The following ANO7 variants were observed in gnomAD, a reference collection of about 807,000 sequenced individuals.
The protein encoded by ANO7 is anoctamin-7.
A neutral mutation model predicts 115.8 loss-of-function variants in ANO7; 114 were observed. The ratio of observed to expected loss-of-function variants is 0.98; its 90% CI spans 0.85 to 1.15. The LOEUF (loss-of-function observed/expected upper bound fraction) is 1.15, where lower values mean the gene tolerates loss of function less well. Among genes scored for constraint, ANO7 ranks in the 50% most tolerant of loss-of-function variants. The pLI is 0.00. For synonymous variants in ANO7, 550 were observed against 498.2 expected (o/e 1.10, Z -1.38); for missense variants, 1,302 against 1,201.2 (o/e 1.08, Z -1.24).
chr2:241,212,230 C>T (rs749334124), intron 16 of ANO7, 25 bp downstream of exon 16: 2 of 1,573,304 alleles, frequency 1.3e-6, no homozygotes, highest in Non-Finnish European at 1.7e-6. Context: ...CTCCCTCTGG[C>T]CACAGCTTGT....
At chr2:241,189,287 G>A (rs1024830704) in intron 1 of ANO7, among the ~76,000 whole-genome samples, 7 of 152,296 alleles carry the variant, frequency 4.6e-5, no homozygotes, top group African/African-American at 7.2e-5. Flanking sequence ...CTGGGCCTCC[G>A]CTAATGTGAA....
At chr2:241,230,182 C>T (rs944103334), downstream of ANO7, 3 of 1,613,420 alleles carry the variant, frequency 1.9e-6, no homozygotes, top group Admixed American at 1.7e-5. This position sits in a 1 kb window ranked among gnomAD's most constrained non-coding sequence, Gnocchi z 5.0. Flanking sequence ...AGGATGTGGT[C>T]GATGGCTTCC....
rs1349310456 is a variant in ANO7 at position 241,203,327 on chromosome 2, C to G, written c.724-6C>G. 2.6e-6 allele frequency: 4 copies of G among 1,525,652 alleles called. No homozygotes were observed. In the African/African-American group the frequency reaches 5.6e-5, roughly 21 times the overall value. 94.5% of individuals were successfully genotyped at this position (1,525,652 alleles called of 1,614,324 possible). On this transcript the variant is annotated splice_region_variant and splice_polypyrimidine_tract_variant and intron_variant, in intron 8 of 24. Coordinates refer to ENST00000674324, the MANE Select transcript of ANO7 (RefSeq NM_001370694.2). The surrounding 1 kb of genome is among the most constrained non-coding windows in gnomAD (Gnocchi z 4.8). ...AGCCTCCCACCCACAGGCCGCTCGC[C>G]CCCAGGGCCCCTTCAAGACGCCCCC...
downstream of ANO7, chr2:241,230,139 C>T: frequency 1.2e-6 from 2 of 1,604,904 alleles, no homozygotes; most frequent in Non-Finnish European, 1.7e-6. The surrounding 1 kb of genome is among the most constrained non-coding windows in gnomAD (Gnocchi z 5.0). Context: ...GCTCCAAGGC[C>T]CACAGAGACT....
chr2:241,192,339 A>AAG (rs2068227128), intron 3 of ANO7, among the ~76,000 whole-genome samples: 1 of 152,042 alleles, frequency 6.6e-6, no homozygotes, highest in Non-Finnish European at 1.5e-5. Flanking sequence ...GAAAAAAAAA[A>AAG]GTACCACGGC....
intron 21 of ANO7, among the ~76,000 whole-genome samples, chr2:241,221,623 C>T (rs1412048607): frequency 6.6e-6 from 1 of 151,874 alleles, no homozygotes; most frequent in Non-Finnish European, 1.5e-5. Context: ...AGGTATCTGC[C>T]CACTTCAGCC....
At chr2:241,204,151 A>G (rs1411855946) in intron 9 of ANO7, among the ~76,000 whole-genome samples, 1 of 152,202 alleles carries the variant, frequency 6.6e-6, no homozygotes, top group Non-Finnish European at 1.5e-5. Flanking sequence ...CCTGTGTGCC[A>G]GGACTCACCC....
intron 11 of ANO7, among the ~76,000 whole-genome samples, chr2:241,208,534 T>A (rs1559448547): frequency 6.6e-6 from 1 of 152,170 alleles, no homozygotes; most frequent in Non-Finnish European, 1.5e-5. Context: ...TTACCTTACA[T>A]CTACAAAGGC....
rs765112981 is a variant in ANO7 at position 241,216,276 on chromosome 2, C to T, written c.1972+38C>T. The T allele has an allele frequency of 4.6e-6, 7 of 1,524,788 alleles. No individual in the cohort carries two copies. In the East Asian group the frequency reaches 7.3e-5, roughly 16 times the overall value. The allele number at this position is 1,524,788 out of a possible 1,614,324, so 94.5% of individuals were successfully genotyped here. A position where few individuals can be genotyped will look rare whatever the true frequency, so the allele number is the denominator to read the frequency against. On this transcript the variant is annotated intron_variant, in intron 19 of 24. Transcript: ENST00000674324. ...TAGCAGCTGCGGCAATGGCTGGCGCCGTGGGCAGGGATGGGTGGCCACTCT... is the reference window on the plus strand; with the variant it reads ...TAGCAGCTGCGGCAATGGCTGGCGCTGTGGGCAGGGATGGGTGGCCACTCT...
chr2:241,230,872 C>G, downstream of ANO7: 1 of 1,614,216 alleles, frequency 6.2e-7, no homozygotes, highest in Non-Finnish European at 8.5e-7. This position sits in a 1 kb window ranked among gnomAD's most constrained non-coding sequence, Gnocchi z 5.0. Flanking sequence ...AGTTCACCCA[C>G]AATTCTCAGT....
Position 241,203,299 on chromosome 2 carries a change from G to C in ANO7, c.724-34G>C. ...AACAGTGCCCAGTGGGGTCAGCTGGGGGAGCCTCCCACCCACAGGCCGCTC... is the reference window on the plus strand; with the variant it reads ...AACAGTGCCCAGTGGGGTCAGCTGGCGGAGCCTCCCACCCACAGGCCGCTC... On this transcript the variant is annotated intron_variant, in intron 8 of 24. Transcript: ENST00000674324. This position sits in a 1 kb window ranked among gnomAD's most constrained non-coding sequence, Gnocchi z 4.8. The C allele has an allele frequency of 4.7e-6, 7 of 1,482,146 alleles. No homozygotes were observed. Among genetic ancestry groups the C allele is most frequent in the Non-Finnish European group, 6.3e-6 (7 of 1,115,570 alleles). The allele number at this position is 1,482,146 out of a possible 1,614,324, so 91.8% of individuals were successfully genotyped here. A position where few individuals can be genotyped will look rare whatever the true frequency, so the allele number is the denominator to read the frequency against.
rs549248024 is a variant in ANO7 at position 241,212,568 on chromosome 2, C to G, written c.1674-4C>G. ...CAAGGCTCATGATCTTGACTTTCTC[C>G]TAGGTTTGTGGGATACCCAGGCAAC... On this transcript the variant is annotated splice_polypyrimidine_tract_variant and splice_region_variant and intron_variant, in intron 16 of 24. Transcript: ENST00000674324. 2 of 1,612,840 alleles carry G rather than the reference C, an allele frequency of 1.2e-6. No individual in the cohort carries two copies. The highest frequency in any genetic ancestry group is 2.2e-5 in the South Asian group (2 of 90,624).
intron 10 of ANO7, among the ~76,000 whole-genome samples, chr2:241,205,760 G>A (rs2068578690): frequency 1.1e-5 from 1 of 88,548 alleles, no homozygotes; most frequent in South Asian, 4.4e-4. Flanking sequence ...AGGTGGACAG[G>A]AGTGCTCCCA....
chr2:241,191,192 A>C lies in ANO7; in HGVS notation c.109-2A>C, dbSNP rs750594915. 26 of 1,613,926 alleles carry C rather than the reference A, an allele frequency of 1.6e-5. No individual in the cohort carries two copies. The East Asian group carries it at 5.8e-4, about 36-fold the overall frequency. ...TGCTTCTCCATCCTCCATGCCTTCC[A>C]GCCAGGTGGACAGCAAGCGGCCGCC... On this transcript the variant is annotated splice_acceptor_variant, in intron 2 of 24. Transcript: ENST00000674324. LOFTEE classifies it high-confidence loss of function.
chr2:241,211,954 CTT>C (rs1157122120), intron 15 of ANO7, 138 bp from the exon 16 acceptor site: 10 of 637,660 alleles, frequency 1.6e-5, no homozygotes, highest in African/African-American at 1.1e-4. Context: ...AAATGTCACA[CTT>C]TGTCTCCTTC....
chr2:241,219,183 C>G (rs892305758), intron 21 of ANO7, among the ~76,000 whole-genome samples: 1 of 152,228 alleles, frequency 6.6e-6, no homozygotes, highest in East Asian at 1.9e-4. Flanking sequence ...CCTTTGTGAT[C>G]TGGTTACAAT....
intron 21 of ANO7, among the ~76,000 whole-genome samples, chr2:241,219,862 C>T (rs1175600178): frequency 6.6e-6 from 1 of 152,020 alleles, no homozygotes; most frequent in African/African-American, 2.4e-5. Context: ...CACAAGCCAC[C>T]ACACCCGGCT....
intron 19 of ANO7, 156 bp from the exon 20 acceptor site, chr2:241,217,530 C>T: frequency 3.6e-6 from 3 of 835,000 alleles, no homozygotes; most frequent in Non-Finnish European, 5.5e-6. Context: ...CCTGGCGCTG[C>T]GCGGTCCAGG....
At chr2:241,214,362 G>C (rs371437041) in intron 17 of ANO7, among the ~76,000 whole-genome samples, 12 of 152,342 alleles carry the variant, frequency 7.9e-5, no homozygotes, top group East Asian at 7.7e-4. Context: ...CCCATCTGGA[G>C]GGAAGGTGCC....
Sources: gnomAD v4.1 joint callset for allele counts (sites outside exome capture counted in the v4.1 genomes callset) on GRCh38, gnomAD v4.1.1 for gene constraint, Gnocchi (gnomAD v3.1) non-coding constraint, MANE v1.5 for transcripts, NCBI Gene and HGNC (gene_info 2026-07-23, HGNC 2026-07-21) for gene names.